AGMO: variants seen among roughly 807,000 people sequenced by gnomAD.
The protein encoded by AGMO is alkylglycerol monooxygenase, also known as glyceryl-ether monooxygenase.
In AGMO, 75 loss-of-function variants were observed where a neutral mutation model predicts 60.2. The ratio of observed to expected loss-of-function variants is 1.25; its 90% confidence interval spans 1.03 to 1.51. AGMO has a LOEUF of 1.51. Ranked by LOEUF, AGMO falls within the 40% of genes most tolerant of loss-of-function variation. The probability of loss-of-function intolerance (pLI) is 0.00; values close to 1 mark genes in which losing one functional copy is unlikely to be tolerated. For synonymous variants in AGMO, 261 were observed against 177.1 expected (o/e 1.47, Z -3.76); for missense variants, 763 against 525.5 (o/e 1.45, Z -4.42).
At chr7:15,174,379 A>G in the AGMO span, among the ~76,000 whole-genome samples, 6 of 152,098 alleles carry the variant, frequency 3.9e-5, no homozygotes, top group African/African-American at 1.4e-4. Flanking sequence ...TTGCATTGTA[A>G]TGTAATCATA....
At chr7:15,127,358 T>G in the AGMO span, among the ~76,000 whole-genome samples, 1 of 152,166 alleles carries the variant, frequency 6.6e-6, no homozygotes, top group Non-Finnish European at 1.5e-5. Context: ...TATGGCACCA[T>G]TGTTGCCTTT....
At chr7:15,522,053 T>C (rs1439150421) in intron 3 of AGMO, among the ~76,000 whole-genome samples, 1 of 151,946 alleles carries the variant, frequency 6.6e-6, no homozygotes, top group Non-Finnish European at 1.5e-5. Flanking sequence ...ATACAAACAA[T>C]AATAGACAAA....
chr7:15,293,783 G>C (rs184229418), intron 12 of AGMO, among the ~76,000 whole-genome samples: 30 of 152,276 alleles, frequency 2.0e-4, no homozygotes, highest in African/African-American at 6.0e-4. Context: ...TTTTATGCAA[G>C]TGCCTTGCTT....
At chr7:15,492,421 T>C (rs960796758) in intron 3 of AGMO, among the ~76,000 whole-genome samples, 9 of 151,404 alleles carry the variant, frequency 5.9e-5, no homozygotes, top group Admixed American at 5.3e-4. Context: ...ACGTCTAGAC[T>C]TTCCGCAGGG....
rs60144769 is a variant in AGMO at position 15,407,232 on chromosome 7, C to CATATATATATATATATATATATAT, written c.609+11325_609+11326insATATATATATATATATATATATAT. Among the ~76,000 whole-genome samples the CATATATATATATATATATATATAT allele has an allele frequency of 8.5e-3, 1,122 of 131,836 alleles. 19 individuals carry two copies. Among genetic ancestry groups the CATATATATATATATATATATATAT allele is most frequent in the South Asian group, 0.015 (60 of 3,950 alleles). The allele number at this position is 131,836 out of a possible 152,430, so 86.5% of individuals were successfully genotyped here. On this transcript the variant is annotated intron_variant, in intron 5 of 12. Coordinates refer to ENST00000342526, the MANE Select transcript of AGMO (RefSeq NM_001004320.2). ...TTGAAAGGCCCCTTTCTTTGGAATA[C>CATATATATATATATATATATATAT]ATATATATATATATATATGTATATA... is the stretch of plus-strand genomic sequence containing the variant.
intron 12 of AGMO, among the ~76,000 whole-genome samples, chr7:15,289,683 G>A (rs1784201639): frequency 1.3e-5 from 2 of 152,120 alleles, no homozygotes; most frequent in South Asian, 4.1e-4. Context: ...GGAAAATAAC[G>A]TGTCTAAGGA....
chr7:15,489,338 G>T (rs1324440515), intron 3 of AGMO, among the ~76,000 whole-genome samples: 5 of 152,112 alleles, frequency 3.3e-5, no homozygotes. Context: ...AGGAAATAGA[G>T]GAATGTAAAA....
At chr7:15,354,368 A>ACGCAC (rs1782389019) in intron 12 of AGMO, among the ~76,000 whole-genome samples, 1 of 71,812 alleles carries the variant, frequency 1.4e-5, no homozygotes, top group Non-Finnish European at 2.5e-5. Flanking sequence ...GTGTGTATAT[A>ACGCAC]GACGTGTGTA....
At chr7:15,360,847 C>T (rs980255001) in intron 12 of AGMO, among the ~76,000 whole-genome samples, 2 of 152,046 alleles carry the variant, frequency 1.3e-5, no homozygotes, top group African/African-American at 4.8e-5. Context: ...ATAAAGAGTA[C>T]GTACGCATGC....
At chr7:15,407,008 C>T (rs28588336) in intron 5 of AGMO, among the ~76,000 whole-genome samples, 60 of 138,644 alleles carry the variant, frequency 4.3e-4, no homozygotes, top group African/African-American at 1.5e-3. Flanking sequence ...ATGGAATATA[C>T]ATATATATGT....
chr7:15,361,551 A>AAAAAAAAAAGAAAAG, intron 12 of AGMO, among the ~76,000 whole-genome samples: 1 of 150,790 alleles, frequency 6.6e-6, no homozygotes, highest in Non-Finnish European at 1.5e-5. Flanking sequence ...AAAAAAAAAA[A>AAAAAAAAAAGAAAAG]AAAGGTTTTG....
chr7:15,531,004 ATTC>A, intron 3 of AGMO, among the ~76,000 whole-genome samples: 1 of 28,564 alleles, frequency 3.5e-5, no homozygotes, highest in African/African-American at 1.2e-4. Context: ...TATTCTATAT[ATTC>A]TATATATATT....
In AGMO at chr7:15,230,555, A is replaced by C. The variant is rs185377123; in HGVS notation, c.1264-29196T>G. On this transcript the variant is annotated intron_variant, in intron 12 of 12. Coordinates refer to ENST00000342526, the MANE Select transcript of AGMO (RefSeq NM_001004320.2). ...ATTCTGAAGATATTTTCAGTAAAAG[A>C]CTCAGGCCCTCTGTTGGGTCATGCT... Among the ~76,000 whole-genome samples the C allele has an allele frequency of 3.4e-4, 51 of 152,142 alleles. 2 individuals carry two copies. In the East Asian group the frequency reaches 9.9e-3, roughly 29 times the overall value.
chr7:15,191,999 A>G, the AGMO span, among the ~76,000 whole-genome samples: 1 of 151,796 alleles, frequency 6.6e-6, no homozygotes, highest in Non-Finnish European at 1.5e-5. Context: ...ACACACACAC[A>G]CACACACAGA....
intron 3 of AGMO, among the ~76,000 whole-genome samples, chr7:15,531,647 A>ATATATTCT (rs1784367874): frequency 3.2e-5 from 3 of 93,202 alleles, no homozygotes; most frequent in African/African-American, 8.2e-5. Flanking sequence ...ATATATAGAA[A>ATATATTCT]ATATAAATAT....
At chr7:15,486,205 C>A (rs1055108556) in intron 3 of AGMO, among the ~76,000 whole-genome samples, 2 of 152,114 alleles carry the variant, frequency 1.3e-5, no homozygotes, top group Non-Finnish European at 2.9e-5. Flanking sequence ...TGTTCAGTAT[C>A]TAGCTCTATC....
chr7:15,365,182 C>G (rs147006360), intron 12 of AGMO, among the ~76,000 whole-genome samples: 26 of 151,750 alleles, frequency 1.7e-4, no homozygotes, highest in African/African-American at 5.3e-4. Context: ...GAGTCTCTGC[C>G]AAAAACTTCT....
chr7:15,213,663 A>G (rs974396814), intron 12 of AGMO, among the ~76,000 whole-genome samples: 1 of 151,910 alleles, frequency 6.6e-6, no homozygotes, highest in Non-Finnish European at 1.5e-5. Context: ...AAAATCGTCA[A>G]TTCCTAGATA....
intron 12 of AGMO, among the ~76,000 whole-genome samples, chr7:15,344,654 T>G (rs1475822303): frequency 1.3e-5 from 2 of 152,126 alleles, no homozygotes; most frequent in African/African-American, 2.4e-5. Flanking sequence ...GTCGTGATGG[T>G]ACCACTGCAC....
Sources: gnomAD v4.1 joint callset for allele counts (sites outside exome capture counted in the v4.1 genomes callset) on GRCh38, gnomAD v4.1.1 for gene constraint, MANE v1.5 for transcripts, NCBI Gene and HGNC (gene_info 2026-07-23, HGNC 2026-07-21) for gene names.